Variants in FAM133B observed in about 807,000 individuals in gnomAD.
FAM133B encodes the protein family with sequence similarity 133 member B.
Under a neutral mutation model 46.4 loss-of-function variants are expected in FAM133B, and 25 were observed. The observed-to-expected ratio is 0.54, with a 90% CI of 0.39 to 0.75. The LOEUF (loss-of-function observed/expected upper bound fraction) is 0.75, where lower values mean the gene tolerates loss of function less well. Among genes scored for constraint, FAM133B ranks in the 30% least tolerant of loss-of-function variants. FAM133B has a pLI of 0.00. For synonymous variants in FAM133B, 75 were observed against 86.0 expected (o/e 0.87, Z 0.71); for missense variants, 205 against 277.6 (o/e 0.74, Z 1.86).
chr7:92,581,685 T>C, intron 1 of FAM133B, 82 bp from the exon 2 acceptor site: 1 of 1,006,248 alleles, frequency 9.9e-7, no homozygotes, highest in South Asian at 1.3e-5. Context: ...TAATCTTTAC[T>C]ATAAATGCAT....
intron 7 of FAM133B, among the ~76,000 whole-genome samples, chr7:92,576,186 G>T (rs1794690272): frequency 6.6e-6 from 1 of 152,150 alleles, no homozygotes; most frequent in Non-Finnish European, 1.5e-5. Flanking sequence ...TGAATCCTTT[G>T]AGTTCTAGCT....
chr7:92,578,728 T>C (rs1184963912), intron 3 of FAM133B, among the ~76,000 whole-genome samples: 1 of 152,214 alleles, frequency 6.6e-6, no homozygotes, highest in Non-Finnish European at 1.5e-5. Flanking sequence ...GTGATTGATA[T>C]GTTATATACA....
chr7:92,578,190 G>A lies in FAM133B; in HGVS notation c.277-8C>T, dbSNP rs1340119140. On this transcript the variant is annotated splice_polypyrimidine_tract_variant and splice_region_variant and intron_variant, in intron 4 of 10. Coordinates refer to ENST00000445716, the MANE Select transcript of FAM133B (RefSeq NM_152789.4). ...CTTTTCTTTTTTCTTTCTCTAAATG[G>A]AAACAAAAGTACAAGTCTAAATAAG... 3 of 1,611,196 alleles carry A rather than the reference G, an allele frequency of 1.9e-6. No homozygotes were observed. Among genetic ancestry groups the A allele is most frequent in the African/African-American group, 1.3e-5 (1 of 74,656 alleles).
chr7:92,585,465 T>A (rs778151709), intron 1 of FAM133B: 2 of 619,032 alleles, frequency 3.2e-6, no homozygotes, highest in Non-Finnish European at 4.0e-6. Context: ...AATATACACA[T>A]ATCAAGGATA....
Position 92,565,751 on chromosome 7 carries a change from C to G in FAM133B, c.657+263G>C, listed in dbSNP as rs186236362. The G allele has an allele frequency of 6.2e-5, 26 of 418,868 alleles. No homozygotes were observed. In the Admixed American group the frequency reaches 9.1e-4, roughly 15 times the overall value. The allele number at this position is 418,868 out of a possible 1,614,324, so 25.9% of individuals were successfully genotyped here. A position where few individuals can be genotyped will look rare whatever the true frequency, so the allele number is the denominator to read the frequency against. On this transcript the variant is annotated intron_variant, in intron 10 of 10. Transcript: ENST00000445716. ...GTGCTGGGATTACAGGCGTGAGACA[C>G]AGCGCCCAGCCCTGAGCTTATATTT...
intron 1 of FAM133B, chr7:92,585,325 T>A: frequency 1.0e-6 from 1 of 958,740 alleles, no homozygotes; most frequent in Non-Finnish European, 1.2e-6. Flanking sequence ...GGTCTCAGGT[T>A]TTTGTTTTTG....
chr7:92,582,127 T>A (rs1340658016), intron 1 of FAM133B, among the ~76,000 whole-genome samples: 2 of 152,144 alleles, frequency 1.3e-5, no homozygotes, highest in African/African-American at 4.8e-5. Context: ...CACACGCCTG[T>A]AATCCTAGCT....
At chr7:92,584,047 C>CAAAAAA (rs765172200) in intron 1 of FAM133B, among the ~76,000 whole-genome samples, 2 of 36,788 alleles carry the variant, frequency 5.4e-5, no homozygotes, top group Admixed American at 4.1e-4. Context: ...AAGACTGTCT[C>CAAAAAA]AAAAAAAAAA....
intron 1 of FAM133B, chr7:92,585,167 G>T: frequency 6.0e-6 from 1 of 167,206 alleles, no homozygotes; most frequent in Non-Finnish European, 1.2e-5. Flanking sequence ...GCCAAATTAT[G>T]CCCAAATAAG....
At chr7:92,580,295 A>G (rs1263465281) in intron 2 of FAM133B, among the ~76,000 whole-genome samples, 1 of 150,888 alleles carries the variant, frequency 6.6e-6, no homozygotes, top group Non-Finnish European at 1.5e-5. Context: ...GCATCTTGCT[A>G]CGTTGCCCAG....
chr7:92,589,303 C>T (rs529860596), intron 1 of FAM133B, among the ~76,000 whole-genome samples: 3 of 152,320 alleles, frequency 2.0e-5, no homozygotes, highest in South Asian at 2.1e-4. Context: ...CCCTCCCCGC[C>T]CCAGCGGTCT....
intron 1 of FAM133B, among the ~76,000 whole-genome samples, chr7:92,582,298 C>CATAACATAAATAAA: frequency 6.8e-6 from 1 of 147,332 alleles, no homozygotes; most frequent in Non-Finnish European, 1.5e-5. Flanking sequence ...CATAACATAA[C>CATAACATAAATAAA]ATAAATAACA....
rs201144147 is a variant in FAM133B, at chr7:92,582,986, A to G, written c.25-1383T>C. On this transcript the variant is annotated intron_variant, in intron 1 of 10. Transcript: ENST00000445716. ...GATCCTATATCTAGGTATACACCCAAAAGAATTCAAAGAAGGGACTAAACA... is the reference window on the plus strand; with the variant it reads ...GATCCTATATCTAGGTATACACCCAGAAGAATTCAAAGAAGGGACTAAACA... 1.1e-4 allele frequency among the ~76,000 whole-genome samples: 17 copies of G among 152,338 alleles called. No individual in the cohort carries two copies. In the East Asian group the frequency reaches 2.9e-3, roughly 26 times the overall value.
intron 10 of FAM133B, among the ~76,000 whole-genome samples, chr7:92,562,658 C>G (rs1162638178): frequency 6.6e-6 from 1 of 152,164 alleles, no homozygotes; most frequent in African/African-American, 2.4e-5. Flanking sequence ...CTACCAATCA[C>G]TATTATTTCA....
chr7:92,585,107 C>A (rs1318076220), intron 1 of FAM133B, among the ~76,000 whole-genome samples: 1 of 152,184 alleles, frequency 6.6e-6, no homozygotes, highest in Non-Finnish European at 1.5e-5. Context: ...TCAACTGAGT[C>A]TCAGCCAATC....
chr7:92,573,736 T>C (rs1039007476), intron 8 of FAM133B, among the ~76,000 whole-genome samples: 2 of 152,186 alleles, frequency 1.3e-5, no homozygotes, highest in South Asian at 4.1e-4. Flanking sequence ...CTGAATTATA[T>C]CACATCCTTC....
At chr7:92,573,077 T>C (rs1794583413) in intron 8 of FAM133B, among the ~76,000 whole-genome samples, 1 of 150,100 alleles carries the variant, frequency 6.7e-6, no homozygotes, top group Non-Finnish European at 1.5e-5. Flanking sequence ...CATACTAATA[T>C]AATAAAAGTA....
intron 1 of FAM133B, among the ~76,000 whole-genome samples, chr7:92,589,376 C>A (rs1288124144): frequency 6.6e-6 from 1 of 152,224 alleles, no homozygotes; most frequent in East Asian, 1.9e-4. Flanking sequence ...CCTTTAGAAT[C>A]TCTAACAACT....
Position 92,580,022 on chromosome 7 carries a change from T to C in FAM133B, c.123-627A>G, listed in dbSNP as rs1305856471. 2.6e-5 allele frequency among the ~76,000 whole-genome samples: 4 copies of C among 152,220 alleles called. No homozygotes were observed. In the East Asian group the frequency reaches 7.7e-4, roughly 29 times the overall value. On this transcript the variant is annotated intron_variant, in intron 2 of 10. Transcript: ENST00000445716. ...GAGCAGATCATTGTTCCTAAAACTG[T>C]TTGTACAAACAATGTAGTTCAAGCT...
Sources: gnomAD v4.1 joint callset for allele counts (sites outside exome capture counted in the v4.1 genomes callset) on GRCh38, gnomAD v4.1.1 for gene constraint, MANE v1.5 for transcripts, NCBI Gene and HGNC (gene_info 2026-07-23, HGNC 2026-07-21) for gene names.